METTL15: variants seen among roughly 807,000 people sequenced by gnomAD.
METTL15 encodes the protein 12S rRNA N(4)-cytidine methyltransferase METTL15.
A neutral mutation model predicts 38.3 loss-of-function variants in METTL15; 34 were observed. The ratio of observed to expected loss-of-function variants is 0.89; its 90% CI spans 0.68 to 1.18. The LOEUF is 1.18. Ranked by LOEUF, METTL15 falls within the 50% of genes most tolerant of loss-of-function variation. METTL15 has a pLI of 0.00. For missense variants in METTL15, 438 were observed against 498.4 expected (o/e 0.88, Z 1.15); for synonymous variants, 162 against 170.9 (o/e 0.95, Z 0.41).
At chr11:28,131,121 A>G (rs1849318045) in intron 3 of METTL15, among the ~76,000 whole-genome samples, 1 of 151,806 alleles carries the variant, frequency 6.6e-6, no homozygotes. Flanking sequence ...GAATGCCCCC[A>G]TTGAGCATTT....
At chr11:28,362,109 T>C (rs1229117111) in intron 5 of METTL15, 2 of 152,154 alleles carry the variant, frequency 1.3e-5, no homozygotes, top group Non-Finnish European at 2.9e-5. Flanking sequence ...TAAACACCAG[T>C]TGTATCAGCA....
At chr11:28,335,092 G>C (rs763760141), downstream of METTL15, among the ~76,000 whole-genome samples, 10 of 152,136 alleles carry the variant, frequency 6.6e-5, no homozygotes, top group Non-Finnish European at 1.0e-4. Flanking sequence ...TGCTCCACTT[G>C]ATTCTTGAAT....
chr11:28,259,283 C>T (rs548542238), intron 4 of METTL15, among the ~76,000 whole-genome samples: 78 of 151,928 alleles, frequency 5.1e-4, no homozygotes, highest in Non-Finnish European at 1.0e-3. Flanking sequence ...TTGTCCTGCC[C>T]TCTCCTCAAG....
intron 6 of METTL15, among the ~76,000 whole-genome samples, chr11:28,426,460 G>T (rs565568057): frequency 6.6e-6 from 1 of 152,018 alleles, no homozygotes; most frequent in African/African-American, 2.4e-5. Flanking sequence ...TTGCTGGGTC[G>T]AATGGTATTT....
chr11:28,423,708 G>A (rs1273763627), intron 5 of METTL15, among the ~76,000 whole-genome samples: 1 of 152,018 alleles, frequency 6.6e-6, no homozygotes, highest in Non-Finnish European at 1.5e-5. Context: ...AGGCTGGGAA[G>A]GGTAGCAGGG....
intron 5 of METTL15, among the ~76,000 whole-genome samples, chr11:28,378,184 C>G (rs867636439): frequency 2.0e-5 from 3 of 152,262 alleles, no homozygotes; most frequent in East Asian, 3.9e-4. Flanking sequence ...TGGGCTCCAC[C>G]CAGTTCGAGC....
At chr11:28,379,668 A>T (rs1318756400) in intron 5 of METTL15, among the ~76,000 whole-genome samples, 3 of 152,176 alleles carry the variant, frequency 2.0e-5, no homozygotes, top group Non-Finnish European at 2.9e-5. Flanking sequence ...ACTGATGAGA[A>T]TAATGTGATT....
intron 6 of METTL15, among the ~76,000 whole-genome samples, chr11:28,515,946 T>C (rs1851716115): frequency 6.6e-6 from 1 of 152,214 alleles, no homozygotes; most frequent in Non-Finnish European, 1.5e-5. Flanking sequence ...TGAACATACA[T>C]CTTGATAGAC....
intron 6 of METTL15, among the ~76,000 whole-genome samples, chr11:28,480,727 A>G (rs1004161876): frequency 6.6e-5 from 10 of 152,178 alleles, no homozygotes; most frequent in Non-Finnish European, 1.3e-4. Flanking sequence ...AAGGTTTTAG[A>G]ATTCCAATTT....
Position 28,481,133 on chromosome 11 carries a change from A to G in METTL15, c.*425-45345A>G, listed in dbSNP as rs749714393. 5.4e-4 allele frequency among the ~76,000 whole-genome samples: 83 copies of G among 152,346 alleles called. 1 individual carries two copies. Among genetic ancestry groups the G allele is most frequent in the Non-Finnish European group, 9.7e-4 (66 of 68,036 alleles). On this transcript the variant is annotated intron_variant and NMD_transcript_variant, in intron 6 of 7. Transcript: ENST00000532947. ...CAGGTAGTTCTGGGGAGGAAGTATC[A>G]CATTATTGATACAATTGTAACCCTG...
At chr11:28,459,657 T>C (rs986089963) in intron 6 of METTL15, among the ~76,000 whole-genome samples, 2 of 152,206 alleles carry the variant, frequency 1.3e-5, no homozygotes, top group African/African-American at 4.8e-5. Flanking sequence ...AAAAGCTCTT[T>C]AAAGCTGTTG....
chr11:28,194,014 A>G (rs1387053658), intron 3 of METTL15, among the ~76,000 whole-genome samples: 1 of 151,772 alleles, frequency 6.6e-6, no homozygotes, highest in Non-Finnish European at 1.5e-5. Context: ...CCGGTTTGCA[A>G]TCCCTTTATG....
At chr11:28,170,069 T>G (rs1850797834) in intron 3 of METTL15, among the ~76,000 whole-genome samples, 1 of 152,112 alleles carries the variant, frequency 6.6e-6, no homozygotes, top group African/African-American at 2.4e-5. Flanking sequence ...TTGCTTTGTT[T>G]GGGAGATTCT....
chr11:28,249,566 T>C (rs1854651243), intron 4 of METTL15, among the ~76,000 whole-genome samples: 1 of 151,860 alleles, frequency 6.6e-6, no homozygotes, highest in African/African-American at 2.4e-5. Flanking sequence ...AAAGGAAGGG[T>C]CAGTAAGTAT....
chr11:28,218,625 G>A (rs185911517), intron 4 of METTL15, among the ~76,000 whole-genome samples: 9 of 152,136 alleles, frequency 5.9e-5, no homozygotes, highest in Non-Finnish European at 1.0e-4. Flanking sequence ...GAGGGCGTCC[G>A]TGTCTTGTGC....
At chr11:28,304,169 A>C (rs192038322) in intron 6 of METTL15, among the ~76,000 whole-genome samples, 1 of 152,042 alleles carries the variant, frequency 6.6e-6, no homozygotes, top group African/African-American at 2.4e-5. Context: ...TTCCAATTCT[A>C]TTTTCCTGTC....
chr11:28,336,039 G>A (rs1849898046), downstream of METTL15, among the ~76,000 whole-genome samples: 1 of 152,100 alleles, frequency 6.6e-6, no homozygotes, highest in East Asian at 1.9e-4. Context: ...ATTTCTGGAC[G>A]TTATGGTTAA....
intron 4 of METTL15, among the ~76,000 whole-genome samples, chr11:28,257,590 T>C (rs1033510352): frequency 5.3e-5 from 8 of 152,160 alleles, no homozygotes; most frequent in African/African-American, 1.7e-4. Context: ...TAATTCTTTT[T>C]TTTGTCTCTT....
Position 28,430,291 on chromosome 11 carries a change from C to T in METTL15, c.*424+5927C>T, listed in dbSNP as rs1217865918. On this transcript the variant is annotated intron_variant and NMD_transcript_variant, in intron 6 of 7. Coordinates refer to the METTL15 transcript ENST00000532947. ...GGAGGGAGGTGGGGGGTCAGCCCCC[C>T]CGCCCGGCCAGCCGTGCCATCCGGG... is the stretch of plus-strand genomic sequence containing the variant. Among the ~76,000 whole-genome samples the T allele has an allele frequency of 3.5e-5, 5 of 141,920 alleles. No individual in the cohort carries two copies. In the East Asian group the frequency reaches 1.1e-3, roughly 32 times the overall value. The allele number at this position is 141,920 out of a possible 152,430, so 93.1% of individuals were successfully genotyped here.
Sources: gnomAD v4.1 joint callset for allele counts (sites outside exome capture counted in the v4.1 genomes callset) on GRCh38, gnomAD v4.1.1 for gene constraint, MANE v1.5 for transcripts, NCBI Gene and HGNC (gene_info 2026-07-23, HGNC 2026-07-21) for gene names.